HDAC9: variants seen among roughly 807,000 people sequenced by gnomAD.
HDAC9 encodes the protein MEF-2 interacting transcription repressor (MITR) protein.
Under a neutral mutation model 139.4 loss-of-function variants are expected in HDAC9, and 41 were observed. That is an observed-to-expected ratio of 0.29 (90% CI 0.23 to 0.38). The LOEUF (loss-of-function observed/expected upper bound fraction) is 0.38. Among genes scored for constraint, HDAC9 ranks in the 10% least tolerant of loss-of-function variants. The probability of loss-of-function intolerance (pLI) is 1.00; values close to 1 mark genes in which losing one functional copy is unlikely to be tolerated. For missense variants in HDAC9, 1,147 were observed against 1,297.0 expected (o/e 0.88, Z 1.78); for synonymous variants, 517 against 476.2 (o/e 1.09, Z -1.12).
intron 1 of HDAC9, among the ~76,000 whole-genome samples, chr7:18,416,351 G>C (rs1045271242): frequency 6.6e-6 from 1 of 152,004 alleles, no homozygotes; most frequent in Non-Finnish European, 1.5e-5. Flanking sequence ...TGTTCATGAA[G>C]GAGATTACTA....
chr7:18,217,675 T>C (rs2128173047), intron 2 of HDAC9, among the ~76,000 whole-genome samples: 1 of 152,330 alleles, frequency 6.6e-6, no homozygotes, highest in Non-Finnish European at 1.5e-5. Flanking sequence ...TAAAAATCTG[T>C]ATTAGGATTG....
intron 12 of HDAC9, among the ~76,000 whole-genome samples, chr7:18,683,374 T>C (rs950130223): frequency 6.6e-6 from 1 of 152,062 alleles, no homozygotes; most frequent in African/African-American, 2.4e-5. Context: ...ATCAAGATCT[T>C]CCAGCTTCTA....
At chr7:18,228,566 G>A (rs1319657859) in intron 2 of HDAC9, among the ~76,000 whole-genome samples, 1 of 152,168 alleles carries the variant, frequency 6.6e-6, no homozygotes, top group Middle Eastern at 3.2e-3. Context: ...GCCATGGGGT[G>A]AGACCAAGAA....
chr7:18,783,778 A>G (rs1481243532), intron 16 of HDAC9, among the ~76,000 whole-genome samples: 1 of 151,936 alleles, frequency 6.6e-6, no homozygotes, highest in East Asian at 1.9e-4. Flanking sequence ...TTCAACACAT[A>G]CATAGATTTC....
intron 1 of HDAC9, among the ~76,000 whole-genome samples, chr7:18,101,186 C>T (rs1419107127): frequency 6.6e-6 from 1 of 152,142 alleles, no homozygotes; most frequent in African/African-American, 2.4e-5. Context: ...TTCCCCCCTC[C>T]AGTACTCTGG....
At chr7:18,526,164 T>A (rs1806841795) in intron 2 of HDAC9, among the ~76,000 whole-genome samples, 1 of 152,202 alleles carries the variant, frequency 6.6e-6, no homozygotes, top group African/African-American at 2.4e-5. Flanking sequence ...GATTATCACA[T>A]GAGCTTTGTA....
At chr7:18,396,388 G>A (rs1376133753) in intron 1 of HDAC9, among the ~76,000 whole-genome samples, 1 of 152,090 alleles carries the variant, frequency 6.6e-6, no homozygotes, top group Non-Finnish European at 1.5e-5. Flanking sequence ...GAAGGGTGGA[G>A]GGATAGTATA....
chr7:18,302,629 G>A (rs896337266), intron 1 of HDAC9, among the ~76,000 whole-genome samples: 2 of 152,148 alleles, frequency 1.3e-5, no homozygotes, highest in African/African-American at 2.4e-5. Context: ...TCTAGAAGAC[G>A]TGAACAAATT....
At chr7:18,760,579 G>A (rs1789295992) in intron 14 of HDAC9, among the ~76,000 whole-genome samples, 1 of 152,002 alleles carries the variant, frequency 6.6e-6, no homozygotes, top group African/African-American at 2.4e-5. Context: ...ATTTGAATTG[G>A]GTTAGACAAT....
Position 18,964,134 on chromosome 7 carries a change from C to A in HDAC9, c.3022+9904C>A, listed in dbSNP as rs149634578. On this transcript the variant is annotated intron_variant, in intron 24 of 25. Transcript: ENST00000686413. Reference sequence around the variant, plus strand: ...AGCAGTTTGACCTCTTAGAAACTTACAATTACCAAACCTAAATGGGCCCAT... The same window carrying A: ...AGCAGTTTGACCTCTTAGAAACTTAAAATTACCAAACCTAAATGGGCCCAT... Among the ~76,000 whole-genome samples the A allele has an allele frequency of 4.6e-3, 696 of 152,264 alleles. 10 individuals carry two copies. The highest frequency in any genetic ancestry group is 0.016 in the African/African-American group (665 of 41,546).
At chr7:18,523,005 T>C (rs1160113332) in intron 2 of HDAC9, among the ~76,000 whole-genome samples, 1 of 152,128 alleles carries the variant, frequency 6.6e-6, no homozygotes, top group Non-Finnish European at 1.5e-5. Context: ...CATGAGAGAA[T>C]AGGTGCTAAA....
chr7:18,717,941 T>C (rs1273832490), intron 12 of HDAC9, among the ~76,000 whole-genome samples: 1 of 152,218 alleles, frequency 6.6e-6, no homozygotes, highest in Non-Finnish European at 1.5e-5. Context: ...TTTACTATGA[T>C]TTTAAAAAGT....
intron 1 of HDAC9, among the ~76,000 whole-genome samples, chr7:18,472,587 T>C (rs548324054): frequency 1.2e-4 from 18 of 152,312 alleles, no homozygotes. Flanking sequence ...CACACAGAAG[T>C]CTATTCCCTC....
intron 1 of HDAC9, among the ~76,000 whole-genome samples, chr7:18,307,139 G>GTGTGTGTGTT (rs1562861152): frequency 9.1e-6 from 1 of 109,402 alleles, no homozygotes; most frequent in African/African-American, 5.4e-5. Context: ...GTGTGTGTGT[G>GTGTGTGTGTT]TGTGTTTGTA....
chr7:18,547,302 C>G (rs1212659866), intron 2 of HDAC9, among the ~76,000 whole-genome samples: 2 of 152,182 alleles, frequency 1.3e-5, no homozygotes, highest in Non-Finnish European at 2.9e-5. Flanking sequence ...GTGGCACGAT[C>G]TCCGCTCACT....
intron 7 of HDAC9, among the ~76,000 whole-genome samples, chr7:18,633,273 G>A (rs772353977): frequency 9.2e-5 from 14 of 152,086 alleles, no homozygotes; most frequent in Non-Finnish European, 1.9e-4. Context: ...TGTTTTCTCT[G>A]AGGCCTTCAA....
chr7:18,717,961 A>C (rs1784832627), intron 12 of HDAC9, among the ~76,000 whole-genome samples: 2 of 152,330 alleles, frequency 1.3e-5, no homozygotes, highest in East Asian at 3.9e-4. Flanking sequence ...TGTTTTTAAC[A>C]ACTTTATTAA....
intron 13 of HDAC9, among the ~76,000 whole-genome samples, chr7:18,739,802 C>T (rs1787279480): frequency 6.6e-6 from 1 of 152,250 alleles, no homozygotes; most frequent in South Asian, 2.1e-4. Context: ...CTCTTCAGAT[C>T]TGTCAGACAG....
chr7:18,256,827 C>T (rs1377918574), intron 2 of HDAC9, among the ~76,000 whole-genome samples: 1 of 152,088 alleles, frequency 6.6e-6, no homozygotes, highest in Non-Finnish European at 1.5e-5. Flanking sequence ...GGGGCTCATG[C>T]ATGTAATCCC....
Sources: allele counts gnomAD v4.1 joint callset (sites outside exome capture counted in the v4.1 genomes callset), GRCh38; gene constraint gnomAD v4.1.1; transcripts MANE v1.5; gene names NCBI Gene and HGNC (gene_info 2026-07-23, HGNC 2026-07-21).